C14orf39: variants seen among roughly 807,000 people sequenced by gnomAD.
The protein encoded by C14orf39 is protein SIX6OS1.
In C14orf39, 66 loss-of-function variants were observed where a neutral mutation model predicts 85.6. That is an observed-to-expected ratio of 0.77 (90% CI 0.63 to 0.95). C14orf39 has a LOEUF of 0.95. Among genes scored for constraint, C14orf39 ranks in the 40% least tolerant of loss-of-function variants. The pLI is 0.00. For missense variants in C14orf39, 735 were observed against 663.9 expected, an observed-to-expected ratio of 1.11 and a Z score of -1.18; for synonymous variants, 242 against 214.0, an observed-to-expected ratio of 1.13 and a Z score of -1.14.
intron 16 of C14orf39, among the ~76,000 whole-genome samples, chr14:60,443,359 C>CT (rs1890613068): frequency 6.6e-6 from 1 of 152,188 alleles, no homozygotes; most frequent in African/African-American, 2.4e-5. Context: ...ACCAGCAGAC[C>CT]AGGAGATTCC....
chr14:60,475,599 T>C (rs550203243), intron 5 of C14orf39, among the ~76,000 whole-genome samples: 3 of 152,274 alleles, frequency 2.0e-5, no homozygotes, highest in South Asian at 4.1e-4. Flanking sequence ...GCATAGCTCA[T>C]TTATTTACAT....
At chr14:60,483,538 T>C (rs1892738060) in intron 4 of C14orf39, among the ~76,000 whole-genome samples, 153 bp downstream of exon 4, 2 of 152,210 alleles carry the variant, frequency 1.3e-5, no homozygotes, top group Admixed American at 6.5e-5. Context: ...CTGATCCTCC[T>C]ATAATCCCTT....
chr14:60,443,325 T>A (rs1306957563), intron 16 of C14orf39, among the ~76,000 whole-genome samples: 2 of 152,220 alleles, frequency 1.3e-5, no homozygotes, highest in Non-Finnish European at 2.9e-5. Context: ...GCCCAAATAC[T>A]GCACTTTGTC....
intron 1 of C14orf39, among the ~76,000 whole-genome samples, chr14:60,502,519 T>C (rs950854673): frequency 6.6e-6 from 1 of 152,188 alleles, no homozygotes; most frequent in African/African-American, 2.4e-5. Context: ...TGTAAAGACA[T>C]ATTATCTTAC....
intron 16 of C14orf39, among the ~76,000 whole-genome samples, chr14:60,452,110 C>T (rs1186186750): frequency 2.0e-5 from 3 of 149,212 alleles, no homozygotes; most frequent in Non-Finnish European, 4.4e-5. Flanking sequence ...TCACTTGAAC[C>T]TGGGAGGTGG....
upstream of C14orf39, among the ~76,000 whole-genome samples, chr14:60,486,725 A>G (rs1382468074): frequency 6.6e-6 from 1 of 152,190 alleles, no homozygotes; most frequent in Non-Finnish European, 1.5e-5. Flanking sequence ...TGATCACAAT[A>G]ATTGTCTCAA....
chr14:60,497,701 C>A (rs968690670), intron 2 of C14orf39, among the ~76,000 whole-genome samples: 6 of 152,048 alleles, frequency 3.9e-5, no homozygotes, highest in African/African-American at 1.2e-4. Context: ...CATGGTGAAA[C>A]CCCATCTCTA....
At chr14:60,474,930 A>G (rs914291629) in intron 5 of C14orf39, among the ~76,000 whole-genome samples, 13 of 152,172 alleles carry the variant, frequency 8.5e-5, no homozygotes, top group African/African-American at 3.1e-4. Context: ...TGAGTTAGGG[A>G]GGATTCCCTC....
chr14:60,466,917 C>T lies in C14orf39; in HGVS notation c.895G>A (p.Asp299Asn). 6.8e-7 allele frequency: 1 copy of T among 1,478,068 alleles called. No individual in the cohort carries two copies. The highest frequency in any genetic ancestry group is 2.7e-5 in the Admixed American group (1 of 37,122). The allele number at this position is 1,478,068 out of a possible 1,614,324, so 91.6% of individuals were successfully genotyped here. ...KMHSSEPRVADIKEESSAKQS... is the reference protein window; with the variant it reads ...KMHSSEPRVANIKEESSAKQS... Reference sequence around the variant, plus strand: ...TTTGAATAACAAACAGATATTATACCTGCAACTCTTGGTTCTGAAGAATGC... The same window carrying T: ...TTTGAATAACAAACAGATATTATACTTGCAACTCTTGGTTCTGAAGAATGC... Residue 299 changes from aspartate (D) to asparagine (N), a missense_variant and splice_region_variant, in exon 10 of 18, where the codon GAT becomes AAT. By Grantham distance (23) the Asp-to-Asn change is conservative. Coordinates refer to ENST00000321731, the MANE Select transcript of C14orf39 (RefSeq NM_174978.3).
rs1359328922 is a variant in C14orf39 at position 60,483,742 on chromosome 14, T to G, written c.182A>C (p.Glu61Ala). Residue 61 changes from glutamate (E) to alanine (A), a missense_variant, in exon 4 of 18, where the codon GAA (glutamate) becomes GCA (alanine). Coordinates refer to ENST00000321731, the MANE Select transcript of C14orf39 (RefSeq NM_174978.3). ...ACTATGTTTACAGTAATGATCAATT[T>G]CCTCATCTGTTGCATTTATAGTTTC... is the stretch of plus-strand genomic sequence containing the variant. ...IHETINATDE[E>A]IDHYCKHSEE... 1 of 1,594,108 alleles carries G rather than the reference T, an allele frequency of 6.3e-7. No homozygotes were observed. The highest frequency in any genetic ancestry group is 1.3e-5 in the African/African-American group (1 of 74,352).
intron 17 of C14orf39, among the ~76,000 whole-genome samples, chr14:60,440,382 T>C (rs751377126): frequency 6.6e-6 from 1 of 152,232 alleles, no homozygotes; most frequent in African/African-American, 2.4e-5. Context: ...AAGTTATTCA[T>C]GTCAAAACCA....
rs1442401909 is a variant in C14orf39 at position 60,511,540 on chromosome 14, C to T, written c.-144+3855G>A. On this transcript the variant is annotated intron_variant, in intron 1 of 5. Transcript: ENST00000556799. Reference sequence around the variant, plus strand: ...TTTGCTGCAAAGTCTCCTTCGGAACCCGAACTGCAAGCTGAGCGCCTGCCC... The same window carrying T: ...TTTGCTGCAAAGTCTCCTTCGGAACTCGAACTGCAAGCTGAGCGCCTGCCC... 6 of 556,462 alleles carry T rather than the reference C, an allele frequency of 1.1e-5. No homozygotes were observed. The East Asian group carries it at 1.9e-4, about 17-fold the overall frequency. The allele number at this position is 556,462 out of a possible 1,614,324, so 34.5% of individuals were successfully genotyped here. A position where few individuals can be genotyped will look rare whatever the true frequency, so the allele number is the denominator to read the frequency against.
rs1300633910 is a variant in C14orf39 at position 60,453,985 on chromosome 14, T to G, written c.1503+1016A>C. The stretch of plus-strand genomic sequence containing the variant: ...AAAGTGTACATGTTTCCTATTACAT[T>G]TATATACATGCATTTTGCATTCATG... On this transcript the variant is annotated intron_variant, in intron 16 of 17. Transcript: ENST00000321731. 2.0e-5 allele frequency among the ~76,000 whole-genome samples: 3 copies of G among 151,932 alleles called. No homozygotes were observed. The East Asian group carries it at 5.8e-4, about 29-fold the overall frequency.
chr14:60,511,167 C>T (rs767750775), intron 1 of C14orf39: 3 of 1,612,358 alleles, frequency 1.9e-6, no homozygotes, highest in Middle Eastern at 1.6e-4. Context: ...CTGGGCGTCG[C>T]CACCAGCCCG....
intron 1 of C14orf39, among the ~76,000 whole-genome samples, chr14:60,504,195 T>C (rs1277448239): frequency 2.0e-5 from 3 of 152,240 alleles, no homozygotes; most frequent in Non-Finnish European, 2.9e-5. Flanking sequence ...TGTGACTGTA[T>C]TTTTTATAAT....
At chr14:60,512,173 C>T (rs1472758549) in intron 1 of C14orf39, 2 of 152,204 alleles carry the variant, frequency 1.3e-5, no homozygotes, top group African/African-American at 2.4e-5. Flanking sequence ...GTCCACTTGA[C>T]ACTCGTTTAC....
At chr14:60,485,427 C>A (rs183335704) in intron 1 of C14orf39, among the ~76,000 whole-genome samples, 6 of 152,306 alleles carry the variant, frequency 3.9e-5, no homozygotes, top group Admixed American at 1.3e-4. Flanking sequence ...CAGGATATGC[C>A]CTTTAAAGTA....
upstream of C14orf39, among the ~76,000 whole-genome samples, chr14:60,490,226 T>C (rs1210127416): frequency 6.6e-6 from 1 of 152,160 alleles, no homozygotes; most frequent in Non-Finnish European, 1.5e-5. Flanking sequence ...ATCTCTAGCC[T>C]AGACCTCTAG....
intron 4 of C14orf39, among the ~76,000 whole-genome samples, chr14:60,479,000 C>T (rs1414262391): frequency 6.6e-6 from 1 of 151,882 alleles, no homozygotes; most frequent in Non-Finnish European, 1.5e-5. Flanking sequence ...TATACCATGG[C>T]GGCTTCCAGT....
Sources: allele counts gnomAD v4.1 joint callset (sites outside exome capture counted in the v4.1 genomes callset), GRCh38; gene constraint gnomAD v4.1.1; transcripts MANE v1.5; gene names NCBI Gene and HGNC (gene_info 2026-07-23, HGNC 2026-07-21).